TASP1: variants seen among roughly 807,000 people sequenced by gnomAD.
TASP1 encodes taspase 1.
In TASP1, 16 loss-of-function variants were observed where a neutral mutation model predicts 56.6. The observed-to-expected ratio is 0.28, with a 90% CI of 0.19 to 0.43. The LOEUF is 0.43. Ranked by LOEUF, TASP1 falls within the 20% of genes least tolerant of loss-of-function variation. The pLI is 1.00. For synonymous variants in TASP1, 179 were observed against 184.2 expected (o/e 0.97, Z 0.23); for missense variants, 393 against 511.6 (o/e 0.77, Z 2.24).
the TASP1 span, among the ~76,000 whole-genome samples, chr20:13,220,591 T>C: frequency 0.29 from 44,236 of 152,118 alleles, 6,559 homozygotes; most frequent in African/African-American, 0.33. Context: ...CTCTGCAGCT[T>C]CCAGCCAACA....
intron 7 of TASP1, among the ~76,000 whole-genome samples, chr20:13,564,937 C>T (rs577861629): frequency 2.0e-5 from 3 of 147,400 alleles, no homozygotes; most frequent in South Asian, 2.1e-4. Context: ...GCCCGGGAAG[C>T]GGAGGTTGCA....
the TASP1 span, among the ~76,000 whole-genome samples, chr20:13,179,910 C>T: frequency 6.6e-6 from 1 of 152,090 alleles, no homozygotes; most frequent in Non-Finnish European, 1.5e-5. Context: ...TGTTGATTTC[C>T]CCCAATACCA....
chr20:13,242,456 G>A, the TASP1 span, among the ~76,000 whole-genome samples: 1 of 152,176 alleles, frequency 6.6e-6, no homozygotes, highest in African/African-American at 2.4e-5. Context: ...TTGAGGGGAT[G>A]TTCAGAGAAG....
chr20:13,285,291 A>G, the TASP1 span, among the ~76,000 whole-genome samples: 1 of 150,524 alleles, frequency 6.6e-6, no homozygotes, highest in Admixed American at 6.6e-5. Context: ...ACCTCGAAAC[A>G]GCTTAAAAAA....
At chr20:13,436,472 G>T (rs768708530) in intron 11 of TASP1, among the ~76,000 whole-genome samples, 7 of 151,986 alleles carry the variant, frequency 4.6e-5, no homozygotes, top group Non-Finnish European at 7.4e-5. Flanking sequence ...GCCAACTCCT[G>T]ATCTAGAACA....
chr20:13,375,471 T>A, the TASP1 span, among the ~76,000 whole-genome samples: 1 of 152,210 alleles, frequency 6.6e-6, no homozygotes, highest in African/African-American at 2.4e-5. Flanking sequence ...ATTTTCTTTA[T>A]CCAGTCTATC....
At chr20:13,479,119 T>A (rs974437162) in intron 11 of TASP1, among the ~76,000 whole-genome samples, 1 of 151,968 alleles carries the variant, frequency 6.6e-6, no homozygotes, top group African/African-American at 2.4e-5. Flanking sequence ...AAGCCATAAA[T>A]ATACATACCA....
At chr20:13,240,460 G>A in the TASP1 span, among the ~76,000 whole-genome samples, 1 of 152,190 alleles carries the variant, frequency 6.6e-6, no homozygotes, top group South Asian at 2.1e-4. Context: ...CAGTCAGGCA[G>A]ACGGAATCAC....
chr20:13,358,395 C>G, the TASP1 span, among the ~76,000 whole-genome samples: 1 of 152,234 alleles, frequency 6.6e-6, no homozygotes, highest in Non-Finnish European at 1.5e-5. Context: ...TCCTCCTGCT[C>G]TTTGCTCCGT....
intron 10 of TASP1, among the ~76,000 whole-genome samples, chr20:13,494,754 G>C (rs979922445): frequency 1.3e-5 from 2 of 151,984 alleles, no homozygotes; most frequent in Admixed American, 1.3e-4. Context: ...AAAAATCTGA[G>C]AATATGGACA....
At chr20:13,164,576 T>G in the TASP1 span, 9 of 607,304 alleles carry the variant, frequency 1.5e-5, no homozygotes, top group Non-Finnish European at 2.7e-5. Flanking sequence ...CATCTAACAT[T>G]CCTCTAGGGT....
the TASP1 span, among the ~76,000 whole-genome samples, chr20:13,369,471 A>C: frequency 6.6e-6 from 1 of 152,212 alleles, no homozygotes; most frequent in Non-Finnish European, 1.5e-5. Flanking sequence ...ATGTATGTTT[A>C]AATGTATGTT....
the TASP1 span, among the ~76,000 whole-genome samples, chr20:13,367,419 A>T: frequency 6.6e-6 from 1 of 152,218 alleles, no homozygotes; most frequent in Admixed American, 6.5e-5. Context: ...TAAGATTAGA[A>T]ATGTCCTTGA....
chr20:13,424,982 G>A, intron 12 of TASP1, among the ~76,000 whole-genome samples: 1 of 152,160 alleles, frequency 6.6e-6, no homozygotes, highest in East Asian at 1.9e-4. Context: ...TCCAACATTG[G>A]AGAATGGCTT....
chr20:13,111,477 A>G, the TASP1 span, among the ~76,000 whole-genome samples: 1 of 152,242 alleles, frequency 6.6e-6, no homozygotes, highest in South Asian at 2.1e-4. Flanking sequence ...GACAGCCCCT[A>G]CAACACAGAG....
At chr20:13,152,482 G>A in the TASP1 span, among the ~76,000 whole-genome samples, 1 of 152,162 alleles carries the variant, frequency 6.6e-6, no homozygotes, top group Non-Finnish European at 1.5e-5. Context: ...CAAAGGTTCA[G>A]ATGATCCATC....
intron 6 of TASP1, among the ~76,000 whole-genome samples, chr20:13,580,037 G>A (rs1482123193): frequency 6.6e-6 from 1 of 152,176 alleles, no homozygotes; most frequent in Non-Finnish European, 1.5e-5. Flanking sequence ...AGGTATTAAA[G>A]CATAAAGTTT....
chr20:13,453,410 C>T (rs1482842256), intron 11 of TASP1, among the ~76,000 whole-genome samples: 1 of 152,092 alleles, frequency 6.6e-6, no homozygotes, highest in Non-Finnish European at 1.5e-5. Context: ...TCACATTAAT[C>T]AGGGAGTTAA....
the TASP1 span, chr20:13,270,591 G>C: frequency 3.1e-6 from 5 of 1,613,930 alleles, no homozygotes; most frequent in Non-Finnish European, 4.2e-6. Flanking sequence ...GGACCACCAG[G>C]CTGCACACCA....
Sources: gnomAD v4.1 joint callset for allele counts (sites outside exome capture counted in the v4.1 genomes callset) on GRCh38, gnomAD v4.1.1 for gene constraint, MANE v1.5 for transcripts, NCBI Gene and HGNC (gene_info 2026-07-23, HGNC 2026-07-21) for gene names.